GNG7: variants seen among roughly 807,000 people sequenced by gnomAD.
GNG7 encodes G protein subunit gamma 7.
A neutral mutation model predicts 4.0 loss-of-function variants in GNG7; 1 was observed. That is an observed-to-expected ratio of 0.25 (90% CI 0.09 to 1.18). The LOEUF (loss-of-function observed/expected upper bound fraction) is 1.18, where lower values mean the gene tolerates loss of function less well. GNG7 is among the 50% of genes most tolerant of loss of function. The pLI is 0.50. For synonymous variants in GNG7, 34 were observed against 36.9 expected, an observed-to-expected ratio of 0.92 and a Z score of 0.29; for missense variants, 86 against 91.9, an observed-to-expected ratio of 0.94 and a Z score of 0.26.
intron 3 of GNG7, among the ~76,000 whole-genome samples, chr19:2,533,507 TA>T (rs1978655788): frequency 6.6e-6 from 1 of 152,158 alleles, no homozygotes; most frequent in Non-Finnish European, 1.5e-5. Flanking sequence ...ACACATTTGC[TA>T]AAATCCATCA....
chr19:2,521,224 C>A, intron 3 of GNG7, among the ~76,000 whole-genome samples: 1 of 151,854 alleles, frequency 6.6e-6, no homozygotes, highest in Non-Finnish European at 1.5e-5. Flanking sequence ...CGAGATGGTG[C>A]CCCTGCACTC....
intron 3 of GNG7, among the ~76,000 whole-genome samples, chr19:2,543,677 G>A (rs373333489): frequency 6.6e-4 from 101 of 152,278 alleles, no homozygotes; most frequent in African/African-American, 2.3e-3. Flanking sequence ...CTCTCCTGAC[G>A]GCACAGGAAG....
At chr19:2,573,215 G>T (rs369046580) in intron 2 of GNG7, among the ~76,000 whole-genome samples, 1 of 151,270 alleles carries the variant, frequency 6.6e-6, no homozygotes, top group South Asian at 2.1e-4. Context: ...TAGCGACGGG[G>T]TTTCACCATG....
Position 2,634,971 on chromosome 19 carries a change from A to G in GNG7, c.-78+11253T>C, listed in dbSNP as rs1160381590. ...TCTGGAGGTCGCAAAGTTCTTCCGC[A>G]CTCAGTGAGGCAAGAAGCAAAAAGG... is the stretch of plus-strand genomic sequence containing the variant. On this transcript the variant is annotated intron_variant, in intron 2 of 4. Coordinates refer to ENST00000382159, the MANE Select transcript of GNG7 (RefSeq NM_052847.3). This position sits in a 1 kb window ranked among gnomAD's most constrained non-coding sequence, Gnocchi z 5.3. Among the ~76,000 whole-genome samples, 1 of 152,132 alleles carries G rather than the reference A, an allele frequency of 6.6e-6. No individual in the cohort carries two copies. The highest frequency in any genetic ancestry group is 2.4e-5 in the African/African-American group (1 of 41,430).
chr19:2,534,918 C>A (rs1378734904), intron 3 of GNG7, among the ~76,000 whole-genome samples: 1 of 152,126 alleles, frequency 6.6e-6, no homozygotes, highest in Non-Finnish European at 1.5e-5. Flanking sequence ...TTAGATGAGG[C>A]CCCCACATTG....
chr19:2,536,765 T>A (rs1978749506), intron 3 of GNG7, among the ~76,000 whole-genome samples: 1 of 152,052 alleles, frequency 6.6e-6, no homozygotes, highest in South Asian at 2.1e-4. Flanking sequence ...AGACAGCGGT[T>A]TCCCCTGTGC....
intron 1 of GNG7, among the ~76,000 whole-genome samples, chr19:2,661,911 T>C (rs1284075272): frequency 1.8e-5 from 2 of 109,326 alleles, no homozygotes; most frequent in African/African-American, 6.1e-5. Context: ...AACTCCTGAG[T>C]GAGGGTGGAA....
chr19:2,548,452 G>A (rs1979199481), intron 3 of GNG7, among the ~76,000 whole-genome samples: 1 of 133,096 alleles, frequency 7.5e-6, no homozygotes, highest in South Asian at 2.5e-4. Flanking sequence ...TTGCACTCCA[G>A]CCCGGGCGAC....
At chr19:2,524,902 G>A (rs1978344431) in intron 3 of GNG7, among the ~76,000 whole-genome samples, 1 of 152,226 alleles carries the variant, frequency 6.6e-6, no homozygotes, top group South Asian at 2.1e-4. Flanking sequence ...ATGTGTACAT[G>A]CGTGTGCGTG....
chr19:2,588,013 C>G (rs187246777), intron 2 of GNG7, among the ~76,000 whole-genome samples: 1 of 152,234 alleles, frequency 6.6e-6, no homozygotes, highest in Admixed American at 6.5e-5. Flanking sequence ...ATTGTTATTG[C>G]AAATTCAAGC....
In GNG7 at chr19:2,513,245, G is replaced by T; in HGVS notation, c.*1777C>A. 1 of 630,326 alleles carries T rather than the reference G, an allele frequency of 1.6e-6. No individual in the cohort carries two copies. Among genetic ancestry groups the T allele is most frequent in the Non-Finnish European group, 2.0e-6 (1 of 505,642 alleles). 39.0% of individuals were successfully genotyped at this position (630,326 alleles called of 1,614,324 possible). On this transcript the variant is annotated 3_prime_UTR_variant, in exon 5 of 5. Coordinates refer to ENST00000382159, the MANE Select transcript of GNG7 (RefSeq NM_052847.3). ...CCTCACGGGCCTGCACGGAGGACCT[G>T]GGCGGCCGTCCAGGAACCCTCTCGG...
At position 2,513,000 on chromosome 19, in the gene GNG7, G is replaced by A. The variant is rs1009965052; in HGVS notation, c.*2022C>T. 8.1e-6 allele frequency: 8 copies of A among 985,338 alleles called. No individual in the cohort carries two copies. The highest frequency in any genetic ancestry group is 9.6e-6 in the Non-Finnish European group (8 of 829,952). 61.0% of individuals were successfully genotyped at this position (985,338 alleles called of 1,614,324 possible). ...CTCTCCCGGGCCAACAGCAGGTTTG[G>A]CGGGTAGGGCTCCCCGAAGCCCCAG... On this transcript the variant is annotated 3_prime_UTR_variant, in exon 5 of 5. Coordinates refer to ENST00000382159, the MANE Select transcript of GNG7 (RefSeq NM_052847.3). The surrounding 1 kb of genome is among the most constrained non-coding windows in gnomAD (Gnocchi z 4.7).
intron 1 of GNG7, among the ~76,000 whole-genome samples, chr19:2,693,653 G>A (rs1037639186): frequency 2.6e-5 from 4 of 152,106 alleles, no homozygotes; most frequent in Admixed American, 6.6e-5. Context: ...GCAGGGCGCT[G>A]AGCAGTGTCC....
At chr19:2,685,460 C>CA (rs1436119393) in intron 1 of GNG7, among the ~76,000 whole-genome samples, 1 of 151,832 alleles carries the variant, frequency 6.6e-6, no homozygotes, top group South Asian at 2.1e-4. Context: ...CCCATCTCTA[C>CA]AAAAAAATTT....
At chr19:2,624,803 G>A (rs974005102) in intron 2 of GNG7, among the ~76,000 whole-genome samples, 5 of 152,214 alleles carry the variant, frequency 3.3e-5, no homozygotes, top group Admixed American at 2.0e-4. Flanking sequence ...GAGGGCAGGC[G>A]GGCACAGGGG....
At chr19:2,612,722 T>TTTTTTTTG in intron 2 of GNG7, among the ~76,000 whole-genome samples, 1 of 149,506 alleles carries the variant, frequency 6.7e-6, no homozygotes, top group African/African-American at 2.5e-5. Flanking sequence ...TTTTTTTTTT[T>TTTTTTTTG]TGAGAGTCTT....
intron 2 of GNG7, chr19:2,643,800 G>A (rs1982585749): frequency 2.7e-6 from 1 of 372,796 alleles, no homozygotes; most frequent in Non-Finnish European, 5.3e-6. Context: ...CTACAGCTAT[G>A]CAACCATCAG....
In GNG7 at chr19:2,685,911, G is replaced by A. The variant is rs369354910; in HGVS notation, c.-135+16735C>T. On this transcript the variant is annotated intron_variant, in intron 1 of 4. Coordinates refer to ENST00000382159, the MANE Select transcript of GNG7 (RefSeq NM_052847.3). Reference sequence around the variant, plus strand: ...ACAAAGGGCCCCATTCACTGTCCCCGCGAGAGGAGGCCTGAGCTCTTTCTC... The same window carrying A: ...ACAAAGGGCCCCATTCACTGTCCCCACGAGAGGAGGCCTGAGCTCTTTCTC... Among the ~76,000 whole-genome samples, 11 of 152,276 alleles carry A rather than the reference G, an allele frequency of 7.2e-5. No homozygotes were observed. The East Asian group carries it at 1.4e-3, about 19-fold the overall frequency.
At chr19:2,542,011 C>T (rs1296703704) in intron 3 of GNG7, among the ~76,000 whole-genome samples, 1 of 151,530 alleles carries the variant, frequency 6.6e-6, no homozygotes, top group African/African-American at 2.4e-5. Flanking sequence ...GGCCTCCTGT[C>T]TGGGGCTGGC....
Sources: gnomAD v4.1 joint callset for allele counts (sites outside exome capture counted in the v4.1 genomes callset) on GRCh38, gnomAD v4.1.1 for gene constraint, Gnocchi (gnomAD v3.1) non-coding constraint, MANE v1.5 for transcripts, NCBI Gene and HGNC (gene_info 2026-07-23, HGNC 2026-07-21) for gene names.